Variants in JMJD1C observed in about 807,000 individuals in gnomAD.
JMJD1C encodes jumonji domain containing 1C, also known as jumonji domain-containing protein 1C.
A neutral mutation model predicts 245.3 loss-of-function variants in JMJD1C; 31 were observed. The ratio of observed to expected loss-of-function variants is 0.13; its 90% CI spans 0.09 to 0.17. The LOEUF is 0.17. Among genes scored for constraint, JMJD1C ranks in the 10% least tolerant of loss-of-function variants. The probability of loss-of-function intolerance (pLI) is 1.00; values close to 1 mark genes in which losing one functional copy is unlikely to be tolerated. For missense variants in JMJD1C, 2,691 were observed against 3,000.2 expected, an observed-to-expected ratio of 0.90 and a Z score of 2.41; for synonymous variants, 1,057 against 1,017.4, an observed-to-expected ratio of 1.04 and a Z score of -0.74.
chr10:63,306,393 A>G (rs1389280245), intron 2 of JMJD1C, among the ~76,000 whole-genome samples: 1 of 152,110 alleles, frequency 6.6e-6, no homozygotes, highest in Non-Finnish European at 1.5e-5. Flanking sequence ...CCCAGCCAAC[A>G]AAGTCTTGAC....
chr10:63,498,828 G>A (rs975057975), intron 1 of JMJD1C, among the ~76,000 whole-genome samples: 1 of 152,048 alleles, frequency 6.6e-6, no homozygotes, highest in Non-Finnish European at 1.5e-5. Flanking sequence ...TCTAGAACTT[G>A]TTTATCTTGC....
intron 3 of JMJD1C, among the ~76,000 whole-genome samples, chr10:63,257,984 A>G (rs141393362): frequency 1.3e-5 from 2 of 152,372 alleles, no homozygotes; most frequent in East Asian, 1.9e-4. Flanking sequence ...GTTAGAAGTA[A>G]GCAGCAGATG....
At chr10:63,359,973 T>G (rs964805193) in intron 2 of JMJD1C, among the ~76,000 whole-genome samples, 1 of 152,128 alleles carries the variant, frequency 6.6e-6, no homozygotes, top group African/African-American at 2.4e-5. Context: ...GACCTTATCT[T>G]TTCTAAAGAT....
At position 63,245,280 on chromosome 10, in the gene JMJD1C, C is replaced by A. The variant is rs566311073; in HGVS notation, c.447+19371G>T. ...TCTGAGCCAAATATTTCATTAGAGG[C>A]TGTATTATTAGTCTGTTTTCACACG... On this transcript the variant is annotated intron_variant, in intron 3 of 25. Coordinates refer to ENST00000399262, the MANE Select transcript of JMJD1C (RefSeq NM_032776.3). Among the ~76,000 whole-genome samples the A allele has an allele frequency of 7.3e-5, 11 of 151,724 alleles. No homozygotes were observed. The East Asian group carries it at 1.9e-3, about 27-fold the overall frequency.
intron 1 of JMJD1C, among the ~76,000 whole-genome samples, chr10:63,424,412 C>G (rs1950309979): frequency 6.6e-6 from 1 of 150,944 alleles, no homozygotes; most frequent in Admixed American, 6.6e-5. Context: ...TCATATAAAA[C>G]TATTGTTTAT....
intron 3 of JMJD1C, among the ~76,000 whole-genome samples, chr10:63,238,164 G>A (rs1030579605): frequency 4.5e-5 from 6 of 134,054 alleles, no homozygotes; most frequent in Non-Finnish European, 6.2e-5. Flanking sequence ...CTGGGTGACA[G>A]TGTGAGACTC....
chr10:63,454,525 G>A (rs1029576984), intron 1 of JMJD1C, among the ~76,000 whole-genome samples: 2 of 151,902 alleles, frequency 1.3e-5, no homozygotes, highest in African/African-American at 4.8e-5. Flanking sequence ...CTGGTTTCAA[G>A]CAATTCTCAT....
intron 2 of JMJD1C, among the ~76,000 whole-genome samples, chr10:63,301,194 T>C (rs1860030563): frequency 6.6e-6 from 1 of 152,134 alleles, no homozygotes. Flanking sequence ...TTTTGTTTCT[T>C]TGCAGAGATG....
At chr10:63,362,791 T>C (rs1291559772) in intron 2 of JMJD1C, among the ~76,000 whole-genome samples, 1 of 152,098 alleles carries the variant, frequency 6.6e-6, no homozygotes, top group African/African-American at 2.4e-5. Flanking sequence ...TAGTATATTG[T>C]ATTTATATAT....
intron 10 of JMJD1C, chr10:63,204,482 T>C (rs1332422719): frequency 3.0e-6 from 3 of 985,178 alleles, no homozygotes; most frequent in Non-Finnish European, 3.6e-6. Flanking sequence ...ACCTGGAAGG[T>C]ACCTATCTTT....
At chr10:63,375,411 C>CA (rs1946653497) in intron 2 of JMJD1C, among the ~76,000 whole-genome samples, 1 of 151,406 alleles carries the variant, frequency 6.6e-6, no homozygotes, top group Non-Finnish European at 1.5e-5. Context: ...GCAAGAGCAT[C>CA]AAAAAAGAAT....
intron 24 of JMJD1C, among the ~76,000 whole-genome samples, chr10:63,175,836 GTATT>G (rs930776804): frequency 2.0e-5 from 3 of 152,038 alleles, no homozygotes; most frequent in African/African-American, 4.8e-5. Context: ...TTTAAACTAG[GTATT>G]TATTTTAGTT....
chr10:63,283,127 G>T (rs1857590359), intron 2 of JMJD1C, among the ~76,000 whole-genome samples: 1 of 152,186 alleles, frequency 6.6e-6, no homozygotes, highest in Non-Finnish European at 1.5e-5. Context: ...GCCCACTAAT[G>T]ATGTCCAAAA....
chr10:63,355,515 T>G (rs184968902), intron 2 of JMJD1C, among the ~76,000 whole-genome samples: 1 of 152,180 alleles, frequency 6.6e-6, no homozygotes, highest in Admixed American at 6.5e-5. Flanking sequence ...TATAAAACTC[T>G]TGAAACAGAG....
At chr10:63,426,865 T>C (rs576682986) in intron 1 of JMJD1C, among the ~76,000 whole-genome samples, 96 of 152,224 alleles carry the variant, frequency 6.3e-4, no homozygotes, top group African/African-American at 2.2e-3. Flanking sequence ...AAATTAGTAA[T>C]GTACTTGGCT....
chr10:63,445,151 T>C lies in JMJD1C; in HGVS notation c.168+20344A>G, dbSNP rs115598211. The stretch of plus-strand genomic sequence containing the variant: ...GGGTGGATCACCTGAGCCCAGGAAT[T>C]TGAGATTGCAGTAAGCTATGACCAC... On this transcript the variant is annotated intron_variant, in intron 1 of 25. Coordinates refer to ENST00000399262, the MANE Select transcript of JMJD1C (RefSeq NM_032776.3). Among the ~76,000 whole-genome samples the C allele has an allele frequency of 8.8e-3, 1,333 of 152,188 alleles. 23 individuals carry two copies. The highest frequency in any genetic ancestry group is 0.03 in the African/African-American group (1,259 of 41,526).
intron 1 of JMJD1C, among the ~76,000 whole-genome samples, chr10:63,465,003 T>C (rs1953096029): frequency 6.6e-6 from 1 of 152,242 alleles, no homozygotes; most frequent in Non-Finnish European, 1.5e-5. Flanking sequence ...TGGGAAGGTC[T>C]CTTTTCTTTT....
rs61758115 is a variant in JMJD1C, at chr10:63,214,732, G to A, written c.1435C>T (p.Leu479Phe). 1.2e-6 allele frequency: 2 copies of A among 1,613,812 alleles called. No homozygotes were observed. The highest frequency in any genetic ancestry group is 2.7e-5 in the African/African-American group (2 of 74,908). The change falls in exon 8 of 26, where the codon CTT (leucine) becomes TTT (phenylalanine). Residue 479 changes from leucine (L) to phenylalanine (F), a missense_variant. By Grantham distance (22) the Leu-to-Phe change is conservative. Coordinates refer to ENST00000399262, the MANE Select transcript of JMJD1C (RefSeq NM_032776.3). ...TVSDHNSNDL[L>F]PQECNMDKTH... Reference sequence around the variant, plus strand: ...TTATCCATATTGCATTCCTGAGGAAGTAAATCATTAGAATTATGATCAGAA... The same window carrying A: ...TTATCCATATTGCATTCCTGAGGAAATAAATCATTAGAATTATGATCAGAA...
intron 3 of JMJD1C, among the ~76,000 whole-genome samples, chr10:63,235,287 C>A (rs1850596707): frequency 6.6e-6 from 1 of 152,018 alleles, no homozygotes; most frequent in South Asian, 2.1e-4. Context: ...CCTGAGGTCA[C>A]GAGTTCGAGA....
Sources: allele counts gnomAD v4.1 joint callset (sites outside exome capture counted in the v4.1 genomes callset), GRCh38; gene constraint gnomAD v4.1.1; transcripts MANE v1.5; gene names NCBI Gene and HGNC (gene_info 2026-07-23, HGNC 2026-07-21).